HIPK3: variants seen among roughly 807,000 people sequenced by gnomAD.
HIPK3 encodes homeodomain-interacting protein kinase 3.
Under a neutral mutation model 124.2 loss-of-function variants are expected in HIPK3, and 47 were observed. That is an observed-to-expected ratio of 0.38 (90% CI 0.30 to 0.48). The LOEUF (loss-of-function observed/expected upper bound fraction) is 0.48, where lower values mean the gene tolerates loss of function less well. HIPK3 is among the 20% of genes least tolerant of loss of function. The pLI is 0.98. For missense variants in HIPK3, 1,286 were observed against 1,454.3 expected (o/e 0.88, Z 1.88); for synonymous variants, 482 against 515.2 (o/e 0.94, Z 0.87).
intron 6 of HIPK3, 47 bp downstream of exon 6, chr11:33,339,581 T>C (rs1282413424): frequency 1.5e-6 from 2 of 1,340,244 alleles, no homozygotes; most frequent in Non-Finnish European, 2.1e-6. Context: ...AAAAAATAAG[T>C]CTGTAGAAAA....
In HIPK3 at chr11:33,341,687, GTAT is replaced by G; in HGVS notation, c.1897+6_1897+8del. On this transcript the variant is annotated splice_donor_variant and splice_donor_region_variant and intron_variant, in intron 8 of 16. Coordinates refer to ENST00000303296, the MANE Select transcript of HIPK3 (RefSeq NM_005734.5). LOFTEE classifies it high-confidence loss of function. ...ATTATCTGTCCCCCAGCTATTCAAG[GTAT>G]TATTTTATTTAAATTTTGCTTTGAA... The G allele has an allele frequency of 6.3e-7, 1 of 1,595,946 alleles. No homozygotes were observed. The highest frequency in any genetic ancestry group is 1.2e-5 in the South Asian group (1 of 86,814).
intron 2 of HIPK3, 67 bp downstream of exon 2, chr11:33,287,578 T>G: frequency 6.7e-7 from 1 of 1,498,164 alleles, no homozygotes; most frequent in Non-Finnish European, 9.0e-7. Context: ...GAAATACTTT[T>G]GTGTGTGTTT....
At chr11:33,259,354 G>T (rs1041245496) in intron 1 of HIPK3, among the ~76,000 whole-genome samples, 3 of 152,122 alleles carry the variant, frequency 2.0e-5, no homozygotes, top group Admixed American at 6.5e-5. Context: ...GATAAGTCTA[G>T]ATTCTGCTTA....
chr11:33,322,828 A>G (rs1325810190), intron 2 of HIPK3, among the ~76,000 whole-genome samples: 1 of 151,692 alleles, frequency 6.6e-6, no homozygotes, highest in Non-Finnish European at 1.5e-5. Context: ...TCCGTCTCAG[A>G]AAAAAAAACT....
chr11:33,310,264 C>CTATCT (rs1301965775), intron 2 of HIPK3, among the ~76,000 whole-genome samples: 1 of 76,020 alleles, frequency 1.3e-5, no homozygotes, highest in Non-Finnish European at 3.3e-5. Flanking sequence ...GTCTGTCTGT[C>CTATCT]TGTCTGTCTG....
At chr11:33,258,473 G>C (rs1850733122) in intron 1 of HIPK3, 1 of 985,196 alleles carries the variant, frequency 1.0e-6, no homozygotes. Flanking sequence ...GTGCGTGCGT[G>C]TGTGTGATTG....
chr11:33,315,528 G>C (rs1464686718), intron 2 of HIPK3, among the ~76,000 whole-genome samples: 1 of 151,946 alleles, frequency 6.6e-6, no homozygotes, highest in Non-Finnish European at 1.5e-5. Context: ...CCTGGCCTTA[G>C]CTAAGTTATT....
chr11:33,283,109 AAT>A (rs987312117), intron 1 of HIPK3, among the ~76,000 whole-genome samples: 24 of 151,926 alleles, frequency 1.6e-4, no homozygotes, highest in African/African-American at 5.6e-4. Flanking sequence ...GGAACTCCAG[AAT>A]TTCTTTTTTT....
Position 33,353,258 on chromosome 11 carries a change from G to A in HIPK3, c.3338G>A (p.Gly1113Glu). 32 of 1,614,060 alleles carry A rather than the reference G, an allele frequency of 2.0e-5. No homozygotes were observed. Among genetic ancestry groups the A allele is most frequent in the Non-Finnish European group, 2.7e-5 (32 of 1,180,012 alleles). ...CACCTGGCTGGAAATACACACCTCG[G>A]AGGACAGCCTACTCTACTTCCATAC... ...HAHLAGNTHL[G>E]GQPTLLPYPS... The change falls in exon 17 of 17, where the codon GGA (glycine) becomes GAA (glutamate). Residue 1113 changes from glycine (G) to glutamate (E), a missense_variant. By Grantham distance (98) the Gly-to-Glu change is moderately conservative. This residue lies in a region of HIPK3 where 810 missense variants were observed against 864.9 expected (regional missense o/e 0.94). Coordinates refer to ENST00000303296, the MANE Select transcript of HIPK3 (RefSeq NM_005734.5).
intron 8 of HIPK3, among the ~76,000 whole-genome samples, chr11:33,343,166 G>A (rs112213600): frequency 1.6e-4 from 24 of 151,858 alleles, no homozygotes; most frequent in African/African-American, 5.8e-4. Context: ...TTCAGCCTTA[G>A]TAGAAGGAAA....
In HIPK3 at chr11:33,311,868, A is replaced by ACACACACT. The variant is rs1376720961; in HGVS notation, c.1098-16641_1098-16640insACACACTC. Among the ~76,000 whole-genome samples the ACACACACT allele has an allele frequency of 4.9e-5, 7 of 141,986 alleles. No individual in the cohort carries two copies. In the East Asian group the frequency reaches 1.5e-3, roughly 30 times the overall value. The allele number at this position is 141,986 out of a possible 152,430, so 93.1% of individuals were successfully genotyped here. ...CACACACACACACACACACACACAC[A>ACACACACT]CTACACACACACACTTGGGCAACAT... On this transcript the variant is annotated intron_variant, in intron 2 of 16. Transcript: ENST00000303296.
chr11:33,348,326 A>G, intron 12 of HIPK3, 98 bp downstream of exon 12: 4 of 1,111,930 alleles, frequency 3.6e-6, no homozygotes, highest in Non-Finnish European at 5.2e-6. Context: ...CAACTATTTA[A>G]ATGTATGTAA....
At chr11:33,328,850 TG>T (rs1852887760) in intron 3 of HIPK3, among the ~76,000 whole-genome samples, 1 of 152,218 alleles carries the variant, frequency 6.6e-6, no homozygotes, top group Admixed American at 6.5e-5. Context: ...AAACCAGTTT[TG>T]TAAAATTATT....
chr11:33,271,773 C>A (rs542477328), intron 1 of HIPK3, among the ~76,000 whole-genome samples: 1 of 152,122 alleles, frequency 6.6e-6, no homozygotes, highest in African/African-American at 2.4e-5. Context: ...TAATATCTTT[C>A]TTTTTTATAC....
intron 4 of HIPK3, 110 bp downstream of exon 4, chr11:33,337,304 T>C (rs528092473): frequency 1.8e-6 from 1 of 565,970 alleles, no homozygotes; most frequent in East Asian, 3.5e-5. Context: ...TCTTCCTTTT[T>C]TTGAATTTTC....
chr11:33,310,995 G>C (rs769647833), intron 2 of HIPK3, among the ~76,000 whole-genome samples: 1 of 152,096 alleles, frequency 6.6e-6, no homozygotes, highest in African/African-American at 2.4e-5. Flanking sequence ...TTGTTTTGCC[G>C]GCCCAGTGGG....
chr11:33,351,278 G>C (rs1476021489), intron 14 of HIPK3, among the ~76,000 whole-genome samples: 1 of 151,852 alleles, frequency 6.6e-6, no homozygotes, highest in Non-Finnish European at 1.5e-5. Context: ...TGCCTCTTTT[G>C]TCATGTCTTG....
At chr11:33,339,815 A>G (rs266471) in intron 6 of HIPK3, among the ~76,000 whole-genome samples, 2,116 of 152,308 alleles carry the variant, frequency 0.014, 54 homozygotes, top group African/African-American at 0.048. Flanking sequence ...ATAACCAGGC[A>G]TATATAAAAG....
chr11:33,337,146 AT>A lies in HIPK3; in HGVS notation c.1300del (p.Cys434AlafsTer13). ...LLNVGTKSTR[F>X]FCKETDMSHS... ...TAAATGTGGGTACTAAATCCACAAGATTTTTTTGCAAAGAAACAGATATGTC... is the reference window on the plus strand; with the variant it reads ...TAAATGTGGGTACTAAATCCACAAGATTTTTTGCAAAGAAACAGATATGTC... On this transcript the variant is annotated frameshift_variant, in exon 4 of 17. Transcript: ENST00000303296. LOFTEE classifies it high-confidence loss of function. 6.3e-7 allele frequency: 1 copy of A among 1,578,446 alleles called. No homozygotes were observed. The highest frequency in any genetic ancestry group is 8.7e-7 in the Non-Finnish European group (1 of 1,148,942).
Sources: gnomAD v4.1 joint callset for allele counts (sites outside exome capture counted in the v4.1 genomes callset) on GRCh38, gnomAD v4.1.1 for gene constraint, gnomAD v4.1.1 regional missense constraint, MANE v1.5 for transcripts, NCBI Gene and HGNC (gene_info 2026-07-23, HGNC 2026-07-21) for gene names.